The following ASH1L variants were observed in gnomAD, a reference collection of about 807,000 sequenced individuals.
ASH1L encodes the protein ASH1 like histone lysine methyltransferase.
ASH1L carries 23 observed loss-of-function variants against 269.0 expected under a neutral mutation model. The observed-to-expected ratio is 0.09, with a 90% CI of 0.06 to 0.12. ASH1L has a LOEUF of 0.12. Among genes scored for constraint, ASH1L ranks in the 10% least tolerant of loss-of-function variants. The probability of loss-of-function intolerance (pLI) is 1.00; values close to 1 mark genes in which losing one functional copy is unlikely to be tolerated. For missense variants in ASH1L, 2,912 were observed against 3,567.8 expected (o/e 0.82, Z 4.68); for synonymous variants, 1,187 against 1,253.5 (o/e 0.95, Z 1.12).
At chr1:155,420,716 G>A (rs1184170901) in intron 5 of ASH1L, among the ~76,000 whole-genome samples, 1 of 151,824 alleles carries the variant, frequency 6.6e-6, no homozygotes, top group Non-Finnish European at 1.5e-5. Flanking sequence ...CAGGCATGGT[G>A]CCAGGCACCT....
chr1:155,393,658 C>A (rs1658128120), intron 7 of ASH1L, among the ~76,000 whole-genome samples: 1 of 151,764 alleles, frequency 6.6e-6, no homozygotes, highest in Non-Finnish European at 1.5e-5. Context: ...GGGTTCACGC[C>A]ATTCTCCTGC....
chr1:155,494,692 T>C (rs1331330985), intron 2 of ASH1L, among the ~76,000 whole-genome samples: 1 of 152,140 alleles, frequency 6.6e-6, no homozygotes, highest in East Asian at 1.9e-4. Flanking sequence ...AAAATGATGA[T>C]CAGGAGTTTA....
At chr1:155,369,690 A>G (rs1421769149) in intron 12 of ASH1L, among the ~76,000 whole-genome samples, 1 of 152,188 alleles carries the variant, frequency 6.6e-6, no homozygotes, top group Admixed American at 6.6e-5. Flanking sequence ...AGCATGCAGT[A>G]GAGTGGCTGA....
chr1:155,340,247 G>A (rs1265144800), intron 25 of ASH1L, among the ~76,000 whole-genome samples: 2 of 151,882 alleles, frequency 1.3e-5, no homozygotes, highest in African/African-American at 4.8e-5. Context: ...ACAGTGGTGC[G>A]ATCTTGGCTC....
rs567761745 is a variant in ASH1L, at chr1:155,486,856, A to T, written c.421-4407T>A. ...CACGCAATACCATGTATTACAGTTTAAAAAAAAAAAAAGAAAAAAAAAGCT... is the reference window on the plus strand; with the variant it reads ...CACGCAATACCATGTATTACAGTTTTAAAAAAAAAAAAGAAAAAAAAAGCT... On this transcript the variant is annotated intron_variant, in intron 2 of 27. Transcript: ENST00000392403. 4.2e-5 allele frequency among the ~76,000 whole-genome samples: 6 copies of T among 144,086 alleles called. No homozygotes were observed. The South Asian group carries it at 6.5e-4, about 16-fold the overall frequency. The allele number at this position is 144,086 out of a possible 152,430, so 94.5% of individuals were successfully genotyped here. A position where few individuals can be genotyped will look rare whatever the true frequency, so the allele number is the denominator to read the frequency against.
intron 12 of ASH1L, among the ~76,000 whole-genome samples, chr1:155,362,263 T>C (rs957787395): frequency 2.0e-5 from 3 of 152,078 alleles, no homozygotes; most frequent in Non-Finnish European, 4.4e-5. Context: ...CTCAATCTCC[T>C]GAGCTCGTGA....
At chr1:155,527,470 A>G (rs1325591753) in intron 1 of ASH1L, among the ~76,000 whole-genome samples, 1 of 151,012 alleles carries the variant, frequency 6.6e-6, no homozygotes, top group Non-Finnish European at 1.5e-5. Context: ...TACCTGACCT[A>G]TCAACAGAAT....
chr1:155,475,521 G>C (rs1207840642), intron 3 of ASH1L, among the ~76,000 whole-genome samples: 1 of 152,070 alleles, frequency 6.6e-6, no homozygotes, highest in East Asian at 1.9e-4. Flanking sequence ...CCTTCTGCCA[G>C]CCCTTTAATC....
intron 4 of ASH1L, among the ~76,000 whole-genome samples, chr1:155,441,621 C>A (rs866998500): frequency 1.3e-5 from 2 of 151,612 alleles, no homozygotes; most frequent in Non-Finnish European, 2.9e-5. Context: ...CAGCATCACA[C>A]CTGGCTAATT....
intron 1 of ASH1L, among the ~76,000 whole-genome samples, chr1:155,530,799 C>T (rs1571080066): frequency 1.3e-5 from 2 of 151,888 alleles, no homozygotes; most frequent in Non-Finnish European, 2.9e-5. Context: ...ATCGTCCCAG[C>T]TACCCAGGAG....
At chr1:155,360,196 A>C (rs764918278) in intron 13 of ASH1L, 105 bp downstream of exon 13, 12 of 780,820 alleles carry the variant, frequency 1.5e-5, no homozygotes, top group Non-Finnish European at 2.4e-5. Context: ...AGCCTCCCAC[A>C]TACTTCTTAA....
intron 8 of ASH1L, 62 bp from the exon 9 acceptor site, chr1:155,378,610 C>T: frequency 7.5e-7 from 1 of 1,339,890 alleles, no homozygotes; most frequent in Non-Finnish European, 1.1e-6. Flanking sequence ...ACGGCAGCAT[C>T]AATCACTAAA....
intron 5 of ASH1L, among the ~76,000 whole-genome samples, chr1:155,427,132 A>ATTT (rs67465671): frequency 3.1e-5 from 3 of 96,080 alleles, no homozygotes; most frequent in African/African-American, 1.1e-4. Flanking sequence ...CTCTGATATA[A>ATTT]TTTTTTTTTT....
chr1:155,553,094 A>C (rs1671328369), intron 1 of ASH1L, among the ~76,000 whole-genome samples: 1 of 152,196 alleles, frequency 6.6e-6, no homozygotes, highest in African/African-American at 2.4e-5. Flanking sequence ...ATCTGAGCCT[A>C]ATCAATCTGA....
At chr1:155,549,324 C>T (rs1558215832) in intron 1 of ASH1L, among the ~76,000 whole-genome samples, 1 of 152,074 alleles carries the variant, frequency 6.6e-6, no homozygotes, top group Non-Finnish European at 1.5e-5. Context: ...GCCTGGATAA[C>T]AGAGAGACCC....
chr1:155,532,934 T>C (rs1356135380), intron 1 of ASH1L, among the ~76,000 whole-genome samples: 1 of 138,900 alleles, frequency 7.2e-6, no homozygotes, highest in Non-Finnish European at 1.5e-5. Flanking sequence ...TGTGTGCATA[T>C]ATATGTGTGT....
chr1:155,477,766 TAC>T (rs1010577321), intron 3 of ASH1L, 118 bp downstream of exon 3: 1 of 918,118 alleles, frequency 1.1e-6, no homozygotes, highest in Non-Finnish European at 1.5e-6. Context: ...GATTTCAAAA[TAC>T]ACTTATTAAA....
rs1301531329 is a variant in ASH1L at position 155,496,015 on chromosome 1, A to G, written c.421-13566T>C. Reference sequence around the variant, plus strand: ...CTGTCTCAATTAAAAAAAAATAAATAAATAAAACAAAACAAATTAACCTTA... The same window carrying G: ...CTGTCTCAATTAAAAAAAAATAAATGAATAAAACAAAACAAATTAACCTTA... On this transcript the variant is annotated intron_variant, in intron 2 of 27. Coordinates refer to ENST00000392403, the MANE Select transcript of ASH1L (RefSeq NM_018489.3). Among the ~76,000 whole-genome samples the G allele has an allele frequency of 2.6e-5, 4 of 152,164 alleles. No homozygotes were observed. In the East Asian group the frequency reaches 7.7e-4, roughly 29 times the overall value.
At chr1:155,379,993 T>C (rs746032978) in intron 8 of ASH1L, 50 bp downstream of exon 8, 8 of 1,338,264 alleles carry the variant, frequency 6.0e-6, no homozygotes, top group South Asian at 2.4e-5. Flanking sequence ...TTTCCACCCC[T>C]CCCCCTTTAC....
Sources: gnomAD v4.1 joint callset for allele counts (sites outside exome capture counted in the v4.1 genomes callset) on GRCh38, gnomAD v4.1.1 for gene constraint, MANE v1.5 for transcripts, NCBI Gene and HGNC (gene_info 2026-07-23, HGNC 2026-07-21) for gene names.